Variants in ATAD1 observed in about 807,000 individuals in gnomAD.
The protein encoded by ATAD1 is ATPase family AAA domain containing 1.
A neutral mutation model predicts 42.7 loss-of-function variants in ATAD1; 18 were observed. The observed-to-expected ratio is 0.42, with a 90% CI of 0.29 to 0.63. ATAD1 has a LOEUF of 0.63. Among genes scored for constraint, ATAD1 ranks in the 20% least tolerant of loss-of-function variants. ATAD1 has a pLI of 0.19. For synonymous variants in ATAD1, 132 were observed against 143.1 expected, an observed-to-expected ratio of 0.92 and a Z score of 0.55; for missense variants, 294 against 440.4, an observed-to-expected ratio of 0.67 and a Z score of 2.98.
At position 87,825,435 on chromosome 10, in the gene ATAD1, G is replaced by A. The variant is rs999846326; in HGVS notation, c.-13-10823C>T. Among the ~76,000 whole-genome samples, 6 of 149,060 alleles carry A rather than the reference G, an allele frequency of 4.0e-5. No homozygotes were observed. In the South Asian group the frequency reaches 6.4e-4, roughly 16 times the overall value. ...CGCCATTCTCCTGCTTCAGCCTCCC[G>A]AGTAGCTGAGACTACAGGCGCCCGC... On this transcript the variant is annotated intron_variant, in intron 1 of 4. Coordinates refer to the ATAD1 transcript ENST00000495903.
At chr10:87,768,864 C>T (rs1237216600) in intron 7 of ATAD1, among the ~76,000 whole-genome samples, 1 of 152,040 alleles carries the variant, frequency 6.6e-6, no homozygotes, top group East Asian at 1.9e-4. Flanking sequence ...TAGGAGGGTC[C>T]CTTGAGGCCA....
At chr10:87,806,347 T>C (rs1856924241) in intron 2 of ATAD1, among the ~76,000 whole-genome samples, 1 of 152,128 alleles carries the variant, frequency 6.6e-6, no homozygotes, top group African/African-American at 2.4e-5. Flanking sequence ...TTAGACTGTT[T>C]AGATGAGGTA....
At position 87,771,030 on chromosome 10, in the gene ATAD1, C is replaced by T. The variant is rs748884882; in HGVS notation, c.702G>A (p.Met234Ile). The change falls in exon 7 of 10, where the codon ATG becomes ATA. Residue 234 changes from methionine to isoleucine, a missense_variant. Around this residue, in one of 3 missense-constraint regions of ATAD1, gnomAD observed 142 missense variants for 174.6 expected, o/e 0.81. Coordinates refer to ENST00000680024, the MANE Select transcript of ATAD1 (RefSeq NM_001321967.2). ...GGTCCTGAGGACGATTGGTAGCTCC[C>T]ATTACTATGACCTAAGTGTATAAAG... The part of the protein sequence containing the change: ...DTDHSCQVIV[M>I]GATNRPQDLD... 1 of 1,612,694 alleles carries T rather than the reference C, an allele frequency of 6.2e-7. No individual in the cohort carries two copies. Among genetic ancestry groups the T allele is most frequent in the Non-Finnish European group, 8.5e-7 (1 of 1,179,098 alleles).
intron 2 of ATAD1, among the ~76,000 whole-genome samples, chr10:87,802,382 G>A (rs924563802): frequency 5.9e-5 from 9 of 152,096 alleles, no homozygotes; most frequent in Admixed American, 1.3e-4. Flanking sequence ...AGTTTATCTT[G>A]GAATCAAGAG....
intron 2 of ATAD1, among the ~76,000 whole-genome samples, chr10:87,797,016 A>G (rs1329079592): frequency 1.3e-5 from 2 of 152,158 alleles, no homozygotes; most frequent in Non-Finnish European, 2.9e-5. Context: ...AGGGAAGATG[A>G]GTTTGACTTT....
chr10:87,794,991 C>T (rs1856313187), intron 2 of ATAD1, among the ~76,000 whole-genome samples: 1 of 152,128 alleles, frequency 6.6e-6, no homozygotes, highest in Non-Finnish European at 1.5e-5. Flanking sequence ...TTTTATTGAG[C>T]ACCTACCATA....
At chr10:87,822,950 GA>G (rs962059195), upstream of ATAD1, among the ~76,000 whole-genome samples, 3 of 148,472 alleles carry the variant, frequency 2.0e-5, no homozygotes, top group South Asian at 2.1e-4. Flanking sequence ...TTTAAAAAAT[GA>G]AAAAAAAGCT....
chr10:87,823,724 C>T (rs1857673237), intron 1 of ATAD1, among the ~76,000 whole-genome samples: 1 of 152,178 alleles, frequency 6.6e-6, no homozygotes, highest in Admixed American at 6.5e-5. Context: ...ATGCACTTGG[C>T]TTCCCATCCT....
At chr10:87,759,861 G>A in intron 8 of ATAD1, 1 of 400,182 alleles carries the variant, frequency 2.5e-6, no homozygotes, top group Admixed American at 2.7e-5. Context: ...TCACCAAAAT[G>A]CTTGGCACAT....
Position 87,754,619 on chromosome 10 carries a change from C to G in ATAD1, c.*68G>C. 6.6e-7 allele frequency: 1 copy of G among 1,512,980 alleles called. No homozygotes were observed. Among genetic ancestry groups the G allele is most frequent in the Non-Finnish European group, 8.9e-7 (1 of 1,117,800 alleles). 93.7% of individuals were successfully genotyped at this position (1,512,980 alleles called of 1,614,324 possible). A position where few individuals can be genotyped will look rare whatever the true frequency, so the allele number is the denominator to read the frequency against. ...TTGTTTAAAGAGCACTCTTTCCGTT[C>G]TATTTCCACTAACTGATAAGAGGAC... is the stretch of plus-strand genomic sequence containing the variant. On this transcript the variant is annotated 3_prime_UTR_variant, in exon 10 of 10. Transcript: ENST00000680024.
intron 3 of ATAD1, among the ~76,000 whole-genome samples, chr10:87,791,004 T>C (rs1589516160): frequency 2.1e-5 from 1 of 47,870 alleles, no homozygotes; most frequent in South Asian, 5.8e-4. Flanking sequence ...GCCAACATGG[T>C]TGAAACCCCG....
intron 2 of ATAD1, among the ~76,000 whole-genome samples, chr10:87,804,101 A>T (rs1856820755): frequency 6.6e-6 from 1 of 152,206 alleles, no homozygotes; most frequent in Non-Finnish European, 1.5e-5. Flanking sequence ...ATTCTGTGAT[A>T]GCTGCTCTTA....
chr10:87,773,576 A>C (rs1855151646), intron 6 of ATAD1, among the ~76,000 whole-genome samples: 1 of 152,224 alleles, frequency 6.6e-6, no homozygotes, highest in South Asian at 2.1e-4. Flanking sequence ...AAGTGACCGC[A>C]GTTTAATAAA....
At chr10:87,804,599 A>T (rs1311077922) in intron 2 of ATAD1, among the ~76,000 whole-genome samples, 1 of 152,112 alleles carries the variant, frequency 6.6e-6, no homozygotes, top group Non-Finnish European at 1.5e-5. Flanking sequence ...TGACCTCCTG[A>T]CCTCAGGTGA....
intron 6 of ATAD1, among the ~76,000 whole-genome samples, chr10:87,772,300 A>G (rs1855083887): frequency 6.6e-6 from 1 of 151,844 alleles, no homozygotes; most frequent in Admixed American, 6.6e-5. Context: ...TTTAGTAGAG[A>G]CAAGGTCTCA....
intron 2 of ATAD1, among the ~76,000 whole-genome samples, chr10:87,802,099 G>C (rs991732323): frequency 1.3e-5 from 2 of 152,146 alleles, no homozygotes; most frequent in Non-Finnish European, 2.9e-5. Flanking sequence ...CTATTTGTGA[G>C]TATTCTTAAC....
chr10:87,834,907 A>G (rs1857903856), intron 1 of ATAD1, among the ~76,000 whole-genome samples: 1 of 151,988 alleles, frequency 6.6e-6, no homozygotes, highest in African/African-American at 2.4e-5. Flanking sequence ...TATAAATATA[A>G]ATTTCCCTCT....
intron 2 of ATAD1, among the ~76,000 whole-genome samples, chr10:87,811,684 A>G (rs906709395): frequency 2.6e-5 from 4 of 152,234 alleles, no homozygotes; most frequent in African/African-American, 7.2e-5. Flanking sequence ...TCTACAAATG[A>G]TATCTACACA....
rs541942535 is a variant in ATAD1 at position 87,809,058 on chromosome 10, T to C, written c.162+5380A>G. On this transcript the variant is annotated intron_variant, in intron 2 of 9. Transcript: ENST00000680024. ...TAAAAAGATATTTTCACTATTAACT[T>C]ATTTCATAGTTATGGAACTAACCAT... 8.5e-4 allele frequency among the ~76,000 whole-genome samples: 129 copies of C among 152,348 alleles called. 1 individual carries two copies. The highest frequency in any genetic ancestry group is 2.9e-3 in the African/African-American group (121 of 41,584).
Sources: gnomAD v4.1 joint callset for allele counts (sites outside exome capture counted in the v4.1 genomes callset) on GRCh38, gnomAD v4.1.1 for gene constraint, gnomAD v4.1.1 regional missense constraint, MANE v1.5 for transcripts, NCBI Gene and HGNC (gene_info 2026-07-23, HGNC 2026-07-21) for gene names.